The following NRXN1 variants were observed in gnomAD, a reference collection of about 807,000 sequenced individuals.
NRXN1 encodes neurexin 1.
NRXN1 carries 39 observed loss-of-function variants against 150.9 expected under a neutral mutation model. The ratio of observed to expected loss-of-function variants is 0.26; its 90% CI spans 0.20 to 0.34. The LOEUF is 0.34. Ranked by LOEUF, NRXN1 falls within the 10% of genes least tolerant of loss-of-function variation. The probability of loss-of-function intolerance (pLI) is 1.00; values close to 1 mark genes in which losing one functional copy is unlikely to be tolerated. For missense variants in NRXN1, 1,815 were observed against 1,949.9 expected (o/e 0.93, Z 1.30); for synonymous variants, 924 against 757.0 (o/e 1.22, Z -3.62).
chr2:50,742,559 G>T (rs934471659), intron 5 of NRXN1, among the ~76,000 whole-genome samples: 1 of 142,692 alleles, frequency 7.0e-6, no homozygotes, highest in Non-Finnish European at 1.5e-5. Flanking sequence ...AGTGAGCCAA[G>T]ATCACGCCAC....
intron 21 of NRXN1, among the ~76,000 whole-genome samples, chr2:49,990,102 T>A (rs6740669): frequency 0.47 from 70,073 of 149,342 alleles, 16,834 homozygotes; most frequent in Middle Eastern, 0.6. Context: ...GCAATAAATT[T>A]AAAAAAAAAA....
intron 8 of NRXN1, chr2:50,554,578 T>C (rs1218472058): frequency 1.3e-5 from 2 of 152,166 alleles, no homozygotes; most frequent in African/African-American, 4.8e-5. Context: ...AGGCATTCAT[T>C]CCAATGCCAA....
intron 18 of NRXN1, among the ~76,000 whole-genome samples, chr2:50,167,693 G>C (rs11125296): frequency 0.17 from 26,474 of 152,040 alleles, 2,807 homozygotes; most frequent in East Asian, 0.42. Flanking sequence ...TGTTCTCAAA[G>C]TTAACTGTAC....
chr2:50,049,455 A>G (rs945625318), intron 21 of NRXN1, among the ~76,000 whole-genome samples: 1 of 152,126 alleles, frequency 6.6e-6, no homozygotes, highest in Non-Finnish European at 1.5e-5. Flanking sequence ...ACATGACGAG[A>G]TAGGTGGTTG....
At chr2:50,471,402 C>T (rs1466280911) in intron 16 of NRXN1, among the ~76,000 whole-genome samples, 1 of 151,832 alleles carries the variant, frequency 6.6e-6, no homozygotes, top group African/African-American at 2.4e-5. Flanking sequence ...TATTGGCCTC[C>T]AGTTCCATCC....
intron 5 of NRXN1, among the ~76,000 whole-genome samples, chr2:50,746,576 A>ACAG (rs200574640): frequency 0.015 from 2,329 of 151,808 alleles, 68 homozygotes; most frequent in African/African-American, 0.054. Context: ...AACAACAACA[A>ACAG]CAACAACAAC....
chr2:50,690,401 C>T (rs1372219759), intron 5 of NRXN1, among the ~76,000 whole-genome samples: 1 of 152,148 alleles, frequency 6.6e-6, no homozygotes, highest in Admixed American at 6.5e-5. Context: ...TTGTGATAGT[C>T]CTCTTTATGT....
intron 17 of NRXN1, among the ~76,000 whole-genome samples, chr2:50,291,470 T>G (rs1177209849): frequency 3.3e-5 from 5 of 152,034 alleles, no homozygotes; most frequent in Non-Finnish European, 7.4e-5. Flanking sequence ...GAAATCAAGG[T>G]GGCCAGATGT....
intron 18 of NRXN1, among the ~76,000 whole-genome samples, chr2:50,137,299 C>G (rs974874849): frequency 3.3e-5 from 5 of 152,050 alleles, no homozygotes; most frequent in Non-Finnish European, 5.9e-5. Context: ...TGGTGTTCAC[C>G]AAGCGCATAC....
intron 5 of NRXN1, among the ~76,000 whole-genome samples, chr2:50,879,795 C>T (rs1203966571): frequency 2.2e-4 from 33 of 151,940 alleles, no homozygotes. Context: ...GATCCAAGTA[C>T]CGGCTATAGG....
chr2:50,392,392 T>A (rs980456503), intron 17 of NRXN1, among the ~76,000 whole-genome samples: 1 of 152,136 alleles, frequency 6.6e-6, no homozygotes, highest in Admixed American at 6.6e-5. Flanking sequence ...TACTAGCGTT[T>A]TGATAGCCCT....
intron 5 of NRXN1, among the ~76,000 whole-genome samples, chr2:50,811,621 A>T (rs1420906253): frequency 1.3e-5 from 2 of 152,214 alleles, no homozygotes; most frequent in Non-Finnish European, 2.9e-5. Context: ...TATCCTAGAC[A>T]AGTAGCAGGA....
intron 22 of NRXN1, among the ~76,000 whole-genome samples, chr2:49,942,772 G>T (rs1465905117): frequency 2.0e-5 from 3 of 152,012 alleles, no homozygotes; most frequent in Non-Finnish European, 4.4e-5. Context: ...ACCACACCTG[G>T]CTGATTTTTC....
chr2:50,327,820 T>C (rs1434562951), intron 17 of NRXN1, among the ~76,000 whole-genome samples: 1 of 152,020 alleles, frequency 6.6e-6, no homozygotes, highest in Non-Finnish European at 1.5e-5. Flanking sequence ...TGGCTAATTT[T>C]TGTATTTTTA....
At chr2:50,124,494 AAT>A (rs1704299482) in intron 18 of NRXN1, among the ~76,000 whole-genome samples, 2 of 152,268 alleles carry the variant, frequency 1.3e-5, no homozygotes, top group South Asian at 4.1e-4. Context: ...ACCAGACCAA[AAT>A]AATAGAACCA....
At chr2:50,556,769 T>C (rs1029574401) in intron 8 of NRXN1, among the ~76,000 whole-genome samples, 1 of 152,100 alleles carries the variant, frequency 6.6e-6, no homozygotes, top group East Asian at 1.9e-4. Context: ...ACTTAAAGAA[T>C]AGGAGCTTAG....
At chr2:50,942,697 C>G (rs1689657369) in intron 2 of NRXN1, among the ~76,000 whole-genome samples, 1 of 152,188 alleles carries the variant, frequency 6.6e-6, no homozygotes, top group African/African-American at 2.4e-5. Flanking sequence ...TACCCAATGC[C>G]TAAACTTCCA....
intron 5 of NRXN1, among the ~76,000 whole-genome samples, chr2:50,780,362 C>A (rs1386533531): frequency 6.6e-6 from 1 of 152,062 alleles, no homozygotes; most frequent in African/African-American, 2.4e-5. Flanking sequence ...ATTAAATATA[C>A]AAAATACAAC....
chr2:50,187,968 A>C (rs2152818777), intron 18 of NRXN1, among the ~76,000 whole-genome samples: 1 of 152,194 alleles, frequency 6.6e-6, no homozygotes, highest in South Asian at 2.1e-4. Flanking sequence ...CTTATTAAGG[A>C]GATTTTGAGC....
Sources: gnomAD v4.1 joint callset for allele counts (sites outside exome capture counted in the v4.1 genomes callset) on GRCh38, gnomAD v4.1.1 for gene constraint, MANE v1.5 for transcripts, NCBI Gene and HGNC (gene_info 2026-07-23, HGNC 2026-07-21) for gene names.